PAK1IP1: variants seen among roughly 807,000 people sequenced by gnomAD.
The protein encoded by PAK1IP1 is p21-activated protein kinase-interacting protein 1.
PAK1IP1 carries 24 observed loss-of-function variants against 42.0 expected under a neutral mutation model. That is an observed-to-expected ratio of 0.57 (90% CI 0.41 to 0.80). The LOEUF (loss-of-function observed/expected upper bound fraction) is 0.80, where lower values mean the gene tolerates loss of function less well. Ranked by LOEUF, PAK1IP1 falls within the 30% of genes least tolerant of loss-of-function variation. The pLI, the probability that PAK1IP1 is intolerant of heterozygous loss-of-function variation, is 0.00. For synonymous variants in PAK1IP1, 154 were observed against 156.7 expected, an observed-to-expected ratio of 0.98 and a Z score of 0.13; for missense variants, 411 against 467.9, an observed-to-expected ratio of 0.88 and a Z score of 1.12.
chr6:10,706,841 G>A (rs535883373), intron 7 of PAK1IP1, among the ~76,000 whole-genome samples: 36 of 150,506 alleles, frequency 2.4e-4, no homozygotes, highest in African/African-American at 7.3e-4. Context: ...TGAGATAGCC[G>A]AGATCCCACC....
intron 7 of PAK1IP1, among the ~76,000 whole-genome samples, chr6:10,705,884 AG>A (rs1260140805): frequency 2.6e-5 from 4 of 152,220 alleles, no homozygotes; most frequent in African/African-American, 9.6e-5. Flanking sequence ...AGTAGTATAA[AG>A]GCCTTACTCT....
rs1481564450 is a variant in PAK1IP1 at position 10,702,656 on chromosome 6, C to G, written c.443+17C>G. 4 of 1,555,278 alleles carry G rather than the reference C, an allele frequency of 2.6e-6. No homozygotes were observed. The highest frequency in any genetic ancestry group is 3.5e-6 in the Non-Finnish European group (4 of 1,126,838). On this transcript the variant is annotated intron_variant, in intron 4 of 9. Coordinates refer to ENST00000379568, the MANE Select transcript of PAK1IP1 (RefSeq NM_017906.3). ...AACTTTAAGGTAAGTCATTAATGCT[C>G]AAGAGCATTTATCTAAGGTGTGTGT...
intron 8 of PAK1IP1, among the ~76,000 whole-genome samples, chr6:10,708,037 T>C (rs1770257750): frequency 6.7e-6 from 1 of 149,992 alleles, no homozygotes; most frequent in African/African-American, 2.5e-5. Flanking sequence ...TTCTTTAGAA[T>C]TTTCTTTTTT....
chr6:10,708,120 A>G (rs1288908552), intron 8 of PAK1IP1, among the ~76,000 whole-genome samples: 2 of 149,868 alleles, frequency 1.3e-5, no homozygotes, highest in Non-Finnish European at 3.0e-5. Flanking sequence ...TCATAATCGT[A>G]ATTAATTTTA....
At chr6:10,707,378 G>A (rs372880910) in intron 7 of PAK1IP1, 37 bp from the exon 8 acceptor site, 317 of 1,130,428 alleles carry the variant, frequency 2.8e-4, no homozygotes, top group Non-Finnish European at 4.0e-4. Flanking sequence ...CTATTTGGAG[G>A]AAAAGATCTT....
chr6:10,697,385 C>T lies in PAK1IP1; in HGVS notation c.146C>T (p.Ala49Val). 1.2e-6 allele frequency: 2 copies of T among 1,613,750 alleles called. No individual in the cohort carries two copies. The highest frequency in any genetic ancestry group is 2.7e-5 in the African/African-American group (2 of 75,008). The change falls in exon 2 of 10, where the codon GCT (alanine) becomes GTT (valine). Residue 49 changes from alanine to valine, a missense_variant. Physicochemically the swap from Ala to Val is moderately conservative, Grantham distance 64. Transcript: ENST00000379568. ...HAHTASLSAV[A>V]VNSRFVVTGS... ...CACACTGCCTCCTTGTCAGCAGTAG[C>T]TGTAAATAGTCGTTTTGTGGTCACT...
intron 7 of PAK1IP1, among the ~76,000 whole-genome samples, chr6:10,706,230 G>A (rs1770201452): frequency 6.6e-6 from 1 of 152,062 alleles, no homozygotes; most frequent in African/African-American, 2.4e-5. Flanking sequence ...AAAGGAGTTA[G>A]TTTTAAAAAG....
intron 2 of PAK1IP1, 64 bp downstream of exon 2, chr6:10,697,550 G>T (rs1349103157): frequency 2.5e-6 from 3 of 1,204,240 alleles, no homozygotes; most frequent in East Asian, 4.8e-5. Flanking sequence ...GACTTCAGTT[G>T]AACAATTTGT....
At chr6:10,702,766 G>A (rs1770069331) in intron 4 of PAK1IP1, 127 bp downstream of exon 4, 4 of 679,528 alleles carry the variant, frequency 5.9e-6, no homozygotes, top group Non-Finnish European at 7.8e-6. Flanking sequence ...GTGGTTCATA[G>A]TGGTAGAATG....
rs1358733176 is a variant in PAK1IP1, at chr6:10,709,612, A to AAC, written c.*161_*162insCA. 3 of 429,676 alleles carry AAC rather than the reference A, an allele frequency of 7.0e-6. No individual in the cohort carries two copies. Among genetic ancestry groups the AAC allele is most frequent in the African/African-American group, 6.4e-5 (3 of 46,662 alleles). The allele number at this position is 429,676 out of a possible 1,614,324, so 26.6% of individuals were successfully genotyped here. ...TTTAGATGGTTTTTTTTAAAAAAAA[A>AAC]AAAAAAACTGGTAAAATTACTTTTG... is the stretch of plus-strand genomic sequence containing the variant. On this transcript the variant is annotated 3_prime_UTR_variant, in exon 10 of 10. Transcript: ENST00000379568.
upstream of PAK1IP1, among the ~76,000 whole-genome samples, chr6:10,692,497 G>A (rs990623011): frequency 3.3e-5 from 5 of 152,196 alleles, no homozygotes; most frequent in Non-Finnish European, 7.4e-5. Context: ...CTGGAGTGCA[G>A]TGGCGGGATC....
intron 2 of PAK1IP1, among the ~76,000 whole-genome samples, chr6:10,700,403 A>G (rs1769991549): frequency 6.6e-6 from 1 of 152,186 alleles, no homozygotes; most frequent in South Asian, 2.1e-4. Context: ...AATCCCGTTC[A>G]TGAGGGTTTG....
At chr6:10,698,209 G>A (rs564161226) in intron 2 of PAK1IP1, among the ~76,000 whole-genome samples, 1 of 152,300 alleles carries the variant, frequency 6.6e-6, no homozygotes, top group East Asian at 1.9e-4. Flanking sequence ...TTTCAAAGAT[G>A]TAGCGTCACA....
chr6:10,694,599 AG>A, upstream of PAK1IP1: 2 of 178,260 alleles, frequency 1.1e-5, no homozygotes, highest in South Asian at 1.0e-4. Flanking sequence ...ACAGCCCCTA[AG>A]CAACCGGCCG....
chr6:10,703,003 C>CTA, intron 4 of PAK1IP1, among the ~76,000 whole-genome samples: 1 of 152,084 alleles, frequency 6.6e-6, no homozygotes, highest in South Asian at 2.1e-4. Context: ...GACGGGGTTT[C>CTA]ACCGTGTTAG....
intron 7 of PAK1IP1, among the ~76,000 whole-genome samples, 168 bp from the exon 8 acceptor site, chr6:10,707,247 C>T (rs1770231835): frequency 6.6e-6 from 1 of 152,192 alleles, no homozygotes; most frequent in Admixed American, 6.5e-5. Context: ...CTGGATATAT[C>T]TCATTAATGG....
At position 10,704,539 on chromosome 6, in the gene PAK1IP1, G is replaced by C; in HGVS notation, c.529G>C (p.Glu177Gln). The change falls in exon 6 of 10, where the codon GAG becomes CAG. Residue 177 changes from glutamate (E) to glutamine (Q), a missense_variant. Physicochemically the swap from Glu to Gln is conservative, Grantham distance 29. Transcript: ENST00000379568. ...AHIVEWSPRG[E>Q]QYVVIIQNKI... ...CATAGTAGAATGGTCCCCAAGAGGA[G>C]AGCAGTATGTAGTTATCATACAGAA... 6.3e-7 allele frequency: 1 copy of C among 1,598,748 alleles called. No individual in the cohort carries two copies. The highest frequency in any genetic ancestry group is 8.6e-7 in the Non-Finnish European group (1 of 1,168,280).
At chr6:10,700,033 GCAAA>G (rs916229102) in intron 2 of PAK1IP1, among the ~76,000 whole-genome samples, 2 of 150,868 alleles carry the variant, frequency 1.3e-5, no homozygotes, top group Non-Finnish European at 3.0e-5. Flanking sequence ...TTTAAAAAAA[GCAAA>G]CAAACAAACG....
At chr6:10,693,937 C>T (rs551134414), upstream of PAK1IP1, among the ~76,000 whole-genome samples, 22 of 152,214 alleles carry the variant, frequency 1.4e-4, no homozygotes, top group South Asian at 4.4e-3. Context: ...ATATGTTGCT[C>T]AGGCTCACTT....
Sources: gnomAD v4.1 joint callset for allele counts (sites outside exome capture counted in the v4.1 genomes callset) on GRCh38, gnomAD v4.1.1 for gene constraint, MANE v1.5 for transcripts, NCBI Gene and HGNC (gene_info 2026-07-23, HGNC 2026-07-21) for gene names.